The following TRIM35 variants were observed in gnomAD, a reference collection of about 807,000 sequenced individuals.
The protein encoded by TRIM35 is E3 ubiquitin-protein ligase TRIM35.
In TRIM35, 37 loss-of-function variants were observed where a neutral mutation model predicts 49.1. The observed-to-expected ratio is 0.75, with a 90% CI of 0.58 to 0.99. The LOEUF is 0.99. Among genes scored for constraint, TRIM35 ranks in the 50% least tolerant of loss-of-function variants. The probability of loss-of-function intolerance (pLI) is 0.00; values close to 1 mark genes in which losing one functional copy is unlikely to be tolerated. For synonymous variants in TRIM35, 302 were observed against 289.3 expected, an observed-to-expected ratio of 1.04 and a Z score of -0.45; for missense variants, 648 against 702.7, an observed-to-expected ratio of 0.92 and a Z score of 0.88.
At chr8:27,288,515 G>C (rs955438641) in intron 5 of TRIM35, among the ~76,000 whole-genome samples, 2 of 152,138 alleles carry the variant, frequency 1.3e-5, no homozygotes, top group Non-Finnish European at 2.9e-5. Flanking sequence ...AGCCAATAAG[G>C]CCAAGAATGG....
chr8:27,294,593 T>G (rs765881528), intron 2 of TRIM35, among the ~76,000 whole-genome samples: 3 of 152,192 alleles, frequency 2.0e-5, no homozygotes, highest in Non-Finnish European at 2.9e-5. Context: ...CTCATCTACA[T>G]ACAATGTTCA....
At chr8:27,296,811 T>C (rs1188699712) in intron 2 of TRIM35, among the ~76,000 whole-genome samples, 2 of 152,240 alleles carry the variant, frequency 1.3e-5, no homozygotes, top group Non-Finnish European at 2.9e-5. Context: ...AATTTCAACA[T>C]GTATTTATGG....
At chr8:27,298,620 G>A in intron 1 of TRIM35, 61 bp from the exon 2 acceptor site, 3 of 1,365,114 alleles carry the variant, frequency 2.2e-6, no homozygotes, top group Non-Finnish European at 2.1e-6. Flanking sequence ...GGGCAGAGAG[G>A]GCAGACACAT....
In TRIM35 at chr8:27,290,165, C is replaced by CGG. The variant is rs746332209; in HGVS notation, c.774_775dup (p.Arg259ProfsTer154). On this transcript the variant is annotated frameshift_variant, in exon 4 of 6. Coordinates refer to ENST00000305364, the MANE Select transcript of TRIM35 (RefSeq NM_171982.5). LOFTEE classifies it high-confidence loss of function. ...AGCTTTGGCAACTTACCGGCGTTTT[C>CGG]GGCTCTTGTGTTTCTGAAAAAATAA... 3.7e-6 allele frequency: 6 copies of CGG among 1,613,866 alleles called. No homozygotes were observed.
intron 2 of TRIM35, among the ~76,000 whole-genome samples, chr8:27,296,721 C>T (rs1007046403): frequency 6.6e-6 from 1 of 152,232 alleles, no homozygotes; most frequent in African/African-American, 2.4e-5. Context: ...GATAAAGCTA[C>T]ATGACTCCAC....
At position 27,287,819 on chromosome 8, in the gene TRIM35, C is replaced by T. The variant is rs148875535; in HGVS notation, c.1213G>A (p.Val405Met). The T allele has an allele frequency of 7.7e-5, 124 of 1,611,668 alleles. 1 individual carries two copies. The African/African-American group carries it at 8.4e-4, about 11-fold the overall frequency. The change falls in exon 6 of 6, where the codon GTG (valine) becomes ATG (methionine). Residue 405 changes from valine (V) to methionine (M), a missense_variant. Val to Met is a conservative substitution (Grantham distance 21). Coordinates refer to ENST00000305364, the MANE Select transcript of TRIM35 (RefSeq NM_171982.5). This position sits in a 1 kb window ranked among gnomAD's most constrained non-coding sequence, Gnocchi z 6.0. ...GAGGTCACGCAGTGGTCCCCCTCCA[C>T]GCCCTGCGTGCGGCAGACATACCAG... is the stretch of plus-strand genomic sequence containing the variant. ...GFWYVCRTQG[V>M]EGDHCVTSDP...
In TRIM35 at chr8:27,287,334, C is replaced by A. The variant is rs986487938; in HGVS notation, c.*216G>T. On this transcript the variant is annotated 3_prime_UTR_variant, in exon 6 of 6. Coordinates refer to ENST00000305364, the MANE Select transcript of TRIM35 (RefSeq NM_171982.5). This position sits in a 1 kb window ranked among gnomAD's most constrained non-coding sequence, Gnocchi z 6.0. ...CCACGACTCGGGAGAGCCTGGCCAGCGAGGTGCCACCCGAATAGCTCCTGA... is the reference window on the plus strand; with the variant it reads ...CCACGACTCGGGAGAGCCTGGCCAGAGAGGTGCCACCCGAATAGCTCCTGA... 3 of 534,028 alleles carry A rather than the reference C, an allele frequency of 5.6e-6. No individual in the cohort carries two copies. Among genetic ancestry groups the A allele is most frequent in the Non-Finnish European group, 6.5e-6 (2 of 306,728 alleles). 33.1% of individuals were successfully genotyped at this position (534,028 alleles called of 1,614,324 possible). A position where few individuals can be genotyped will look rare whatever the true frequency, so the allele number is the denominator to read the frequency against.
rs751130274 is a variant in TRIM35 at position 27,311,020 on chromosome 8, GT to G, written c.215del (p.Asn72ThrfsTer66). On this transcript the variant is annotated frameshift_variant, in exon 1 of 6. Coordinates refer to ENST00000305364, the MANE Select transcript of TRIM35 (RefSeq NM_171982.5). LOFTEE classifies it high-confidence loss of function. Reference sequence around the variant, plus strand: ...TCTCCACCAGGTTGTTGAGGGTGTGGTTGGTGCGCAGGTCGGCGGGTGACGC... The same window carrying G: ...TCTCCACCAGGTTGTTGAGGGTGTGGTGGTGCGCAGGTCGGCGGGTGACGC... Reference protein sequence around the residue: ...DRASPADLRTNHTLNNLVEKL... With the variant: ...DRASPADLRTXHTLNNLVEKL... 43 of 1,609,710 alleles carry G rather than the reference GT, an allele frequency of 2.7e-5. No individual in the cohort carries two copies. The highest frequency in any genetic ancestry group is 9.3e-6 in the Non-Finnish European group (11 of 1,178,384).
At chr8:27,294,440 T>C in intron 2 of TRIM35, 130 bp from the exon 3 acceptor site, 1 of 865,790 alleles carries the variant, frequency 1.2e-6, no homozygotes, top group Non-Finnish European at 1.7e-6. Context: ...ACAGATAAAA[T>C]ATCAACATAA....
intron 5 of TRIM35, 101 bp downstream of exon 5, chr8:27,289,061 G>T: frequency 1.2e-6 from 1 of 837,592 alleles, no homozygotes; most frequent in Non-Finnish European, 1.9e-6. Context: ...GAGCTCTGAG[G>T]AGGTGGGAGG....
At chr8:27,299,069 C>A (rs914468950) in intron 1 of TRIM35, among the ~76,000 whole-genome samples, 11 of 152,208 alleles carry the variant, frequency 7.2e-5, no homozygotes, top group African/African-American at 2.7e-4. Flanking sequence ...TGAGGCCTCA[C>A]CTCAACATGC....
chr8:27,309,515 G>A (rs1302224397), intron 1 of TRIM35, among the ~76,000 whole-genome samples: 4 of 152,144 alleles, frequency 2.6e-5, no homozygotes, highest in Admixed American at 6.5e-5. Context: ...TGCAAAAAAA[G>A]AAGGCAGGGC....
chr8:27,287,281 G>T lies in TRIM35; in HGVS notation c.*269C>A. 1 of 466,866 alleles carries T rather than the reference G, an allele frequency of 2.1e-6. No homozygotes were observed. The allele number at this position is 466,866 out of a possible 1,614,324, so 28.9% of individuals were successfully genotyped here. A position where few individuals can be genotyped will look rare whatever the true frequency, so the allele number is the denominator to read the frequency against. ...TTATTCCCAGAAATCCTGGAATAGG[G>T]ATTCAGAAAATTCACATTGTGGAGG... On this transcript the variant is annotated 3_prime_UTR_variant, in exon 6 of 6. Transcript: ENST00000305364. The surrounding 1 kb of genome is among the most constrained non-coding windows in gnomAD (Gnocchi z 6.0).
Position 27,284,887 on chromosome 8 carries a change from C to A in TRIM35, c.*2663G>T, listed in dbSNP as rs565570633. 3 of 152,148 alleles carry A rather than the reference C, an allele frequency of 2.0e-5. No homozygotes were observed. Among genetic ancestry groups the A allele is most frequent in the African/African-American group, 7.2e-5 (3 of 41,496 alleles). 9.4% of individuals were successfully genotyped at this position (152,148 alleles called of 1,614,324 possible). On this transcript the variant is annotated 3_prime_UTR_variant, in exon 6 of 6. Transcript: ENST00000305364. ...AAAATAAATAAAAATTGGACATCAT[C>A]AAAATTAAAAGCTTTAGTATTTCAA...
At chr8:27,289,334 C>G in intron 4 of TRIM35, 54 bp from the exon 5 acceptor site, 3 of 1,462,848 alleles carry the variant, frequency 2.1e-6, no homozygotes, top group Non-Finnish European at 2.9e-6. Flanking sequence ...CAACCTGGGC[C>G]GAACTGGGCC....
chr8:27,311,256 G>C lies in TRIM35; in HGVS notation c.-21C>G. 6.7e-7 allele frequency: 1 copy of C among 1,483,430 alleles called. No individual in the cohort carries two copies. Among genetic ancestry groups the C allele is most frequent in the Non-Finnish European group, 9.0e-7 (1 of 1,115,300 alleles). The allele number at this position is 1,483,430 out of a possible 1,614,324, so 91.9% of individuals were successfully genotyped here. The stretch of plus-strand genomic sequence containing the variant: ...TCCATGGCACGAGCAGCCGGCTCGG[G>C]CGCCCGGAACTTTTGCTCCGGCCCC... On this transcript the variant is annotated 5_prime_UTR_variant, in exon 1 of 6. Transcript: ENST00000305364.
chr8:27,304,293 C>G (rs1463928300), intron 1 of TRIM35, among the ~76,000 whole-genome samples: 1 of 152,250 alleles, frequency 6.6e-6, no homozygotes, highest in Non-Finnish European at 1.5e-5. Flanking sequence ...TACCAAAGTG[C>G]TAGAGTTGCA....
At chr8:27,295,923 C>A (rs1802556342) in intron 2 of TRIM35, among the ~76,000 whole-genome samples, 1 of 152,008 alleles carries the variant, frequency 6.6e-6, no homozygotes, top group Non-Finnish European at 1.5e-5. Flanking sequence ...TATTAATGTA[C>A]AAAGCACTCT....
At chr8:27,292,886 C>T (rs981335463) in intron 3 of TRIM35, among the ~76,000 whole-genome samples, 1 of 152,138 alleles carries the variant, frequency 6.6e-6, no homozygotes, top group African/African-American at 2.4e-5. Context: ...AAAAGAGTCA[C>T]AAACCAAAAT....
Sources: gnomAD v4.1 joint callset for allele counts (sites outside exome capture counted in the v4.1 genomes callset) on GRCh38, gnomAD v4.1.1 for gene constraint, Gnocchi (gnomAD v3.1) non-coding constraint, MANE v1.5 for transcripts, NCBI Gene and HGNC (gene_info 2026-07-23, HGNC 2026-07-21) for gene names.